Variants in KDM4C observed in about 807,000 individuals in gnomAD.
KDM4C encodes lysine demethylase 4C.
KDM4C carries 81 observed loss-of-function variants against 129.3 expected under a neutral mutation model. That is an observed-to-expected ratio of 0.63 (90% confidence interval 0.52 to 0.75). KDM4C has a LOEUF of 0.75. KDM4C is among the 30% of genes least tolerant of loss of function. The pLI is 0.00. For synonymous variants in KDM4C, 573 were observed against 456.1 expected (o/e 1.26, Z -3.26); for missense variants, 1,457 against 1,304.0 (o/e 1.12, Z -1.81).
intron 3 of KDM4C, among the ~76,000 whole-genome samples, chr9:6,811,180 G>A (rs900376488): frequency 6.6e-6 from 1 of 152,072 alleles, no homozygotes; most frequent in Non-Finnish European, 1.5e-5. Context: ...CTGAGACAGA[G>A]TCTCGCTCTG....
At chr9:7,014,834 C>G (rs533866113) in intron 14 of KDM4C, among the ~76,000 whole-genome samples, 1 of 151,744 alleles carries the variant, frequency 6.6e-6, no homozygotes, top group East Asian at 1.9e-4. Flanking sequence ...TTAGAGACTA[C>G]CTACTTCCTC....
chr9:7,008,105 C>T (rs1276497922), intron 12 of KDM4C, among the ~76,000 whole-genome samples: 2 of 152,114 alleles, frequency 1.3e-5, no homozygotes, highest in African/African-American at 2.4e-5. Context: ...ACCTGTATTA[C>T]CACTCCCCTA....
chr9:7,062,469 C>A (rs565206888), intron 17 of KDM4C, among the ~76,000 whole-genome samples: 3 of 152,110 alleles, frequency 2.0e-5, no homozygotes, highest in South Asian at 2.1e-4. Flanking sequence ...CTCACTGCAG[C>A]CTTTACTTCC....
chr9:6,964,951 C>CG (rs1045637085), intron 8 of KDM4C, among the ~76,000 whole-genome samples: 15 of 151,086 alleles, frequency 9.9e-5, no homozygotes, highest in Admixed American at 6.6e-4. Flanking sequence ...GAGACTTCGT[C>CG]GGGAAAAAAA....
rs60353218 is a variant in KDM4C, at chr9:6,770,710, C to CTTTT, written c.-18+12519_-18+12522dup. ...TATTGTGTTTGATGTTTTTCAACGT[C>CTTTT]TTTTTTTTTTTTTTTCAATATAGCC... On this transcript the variant is annotated intron_variant, in intron 1 of 21. Coordinates refer to ENST00000381309, the MANE Select transcript of KDM4C (RefSeq NM_015061.6). 8.5e-4 allele frequency among the ~76,000 whole-genome samples: 67 copies of CTTTT among 79,260 alleles called. 2 individuals carry two copies. The highest frequency in any genetic ancestry group is 1.4e-3 in the Non-Finnish European group (55 of 38,394). 52.0% of individuals were successfully genotyped at this position (79,260 alleles called of 152,430 possible).
At chr9:6,757,872 C>A (rs950430572), upstream of KDM4C, 17 of 985,472 alleles carry the variant, frequency 1.7e-5, no homozygotes, top group African/African-American at 2.6e-4. Context: ...GAGCCCAAAG[C>A]AAGAGCGTGC....
At chr9:7,052,909 G>GCGAGAGATTGT (rs767668455) in intron 17 of KDM4C, among the ~76,000 whole-genome samples, 2 of 100,144 alleles carry the variant, frequency 2.0e-5, no homozygotes, top group Non-Finnish European at 3.9e-5. Flanking sequence ...GAGCGAGCGA[G>GCGAGAGATTGT]TGCCCAAGGG....
chr9:6,757,263 T>C (rs1253584938), upstream of KDM4C, among the ~76,000 whole-genome samples: 1 of 152,124 alleles, frequency 6.6e-6, no homozygotes, highest in African/African-American at 2.4e-5. Context: ...CAACTCTAGT[T>C]TCTGAGGGAC....
intron 4 of KDM4C, among the ~76,000 whole-genome samples, chr9:6,816,068 C>A (rs75179106): frequency 0.035 from 5,279 of 152,204 alleles, 135 homozygotes; most frequent in Non-Finnish European, 0.051. Context: ...CCCCCGCCCT[C>A]CTTTAAGGAT....
chr9:7,024,197 T>G (rs1379811063), intron 15 of KDM4C, among the ~76,000 whole-genome samples: 1 of 152,112 alleles, frequency 6.6e-6, no homozygotes, highest in Non-Finnish European at 1.5e-5. Flanking sequence ...CTTTTCTATC[T>G]GGAGGATCTG....
chr9:7,028,682 C>T (rs1826210013), intron 15 of KDM4C, among the ~76,000 whole-genome samples: 1 of 152,038 alleles, frequency 6.6e-6, no homozygotes, highest in Non-Finnish European at 1.5e-5. Flanking sequence ...CCTAGACTGC[C>T]TTTCATGTTT....
intron 8 of KDM4C, among the ~76,000 whole-genome samples, chr9:6,937,861 G>A (rs1041652325): frequency 2.6e-5 from 4 of 151,990 alleles, no homozygotes; most frequent in Admixed American, 6.6e-5. Context: ...ACATGAGTGC[G>A]CCACTGTGGC....
chr9:7,029,788 T>G (rs970440715), intron 15 of KDM4C, among the ~76,000 whole-genome samples: 15 of 152,190 alleles, frequency 9.9e-5, no homozygotes, highest in Non-Finnish European at 1.5e-4. Context: ...AGATTGATAA[T>G]GTAACATCAT....
At chr9:6,871,350 T>G (rs944157445) in intron 5 of KDM4C, among the ~76,000 whole-genome samples, 11 of 152,196 alleles carry the variant, frequency 7.2e-5, no homozygotes, top group Admixed American at 3.3e-4. Context: ...TATGTTTAAT[T>G]TTTGAGTAAA....
intron 1 of KDM4C, among the ~76,000 whole-genome samples, chr9:6,732,271 A>T (rs1307283601): frequency 1.4e-5 from 2 of 145,692 alleles, no homozygotes; most frequent in Non-Finnish European, 3.0e-5. Flanking sequence ...AGGCTGAGGC[A>T]GGAGAATCGC....
intron 1 of KDM4C, among the ~76,000 whole-genome samples, chr9:6,747,932 C>G (rs999015142): frequency 1.4e-4 from 22 of 152,180 alleles, no homozygotes; most frequent in African/African-American, 5.3e-4. Context: ...AATCCCAGCA[C>G]TTTGGGAGGC....
rs573362596 is a variant in KDM4C at position 6,869,699 on chromosome 9, C to T, written c.630-10313C>T. The stretch of plus-strand genomic sequence containing the variant: ...CCTGGACCATCCCTTGCATGTGGGC[C>T]GCCATTCCCTCCCTCTTCAAGGGGT... On this transcript the variant is annotated intron_variant, in intron 5 of 21. Coordinates refer to ENST00000381309, the MANE Select transcript of KDM4C (RefSeq NM_015061.6). Among the ~76,000 whole-genome samples, 18 of 152,288 alleles carry T rather than the reference C, an allele frequency of 1.2e-4. No individual in the cohort carries two copies. The South Asian group carries it at 2.7e-3, about 23-fold the overall frequency.
chr9:6,792,900 C>A, intron 1 of KDM4C, 72 bp from the exon 2 acceptor site: 1 of 1,452,428 alleles, frequency 6.9e-7, no homozygotes, highest in Non-Finnish European at 9.6e-7. Context: ...GGGGAGCTGA[C>A]ATACTATTTG....
chr9:6,762,370 G>T (rs901392303), intron 1 of KDM4C, among the ~76,000 whole-genome samples: 7 of 151,106 alleles, frequency 4.6e-5, no homozygotes, highest in African/African-American at 1.7e-4. Flanking sequence ...TGGGGTCTCA[G>T]TGTGTTGCTC....
Sources: gnomAD v4.1 joint callset for allele counts (sites outside exome capture counted in the v4.1 genomes callset) on GRCh38, gnomAD v4.1.1 for gene constraint, MANE v1.5 for transcripts, NCBI Gene and HGNC (gene_info 2026-07-23, HGNC 2026-07-21) for gene names.